The following CHMP2B variants were observed in gnomAD, a reference collection of about 807,000 sequenced individuals.
CHMP2B encodes the protein VPS2 homolog B.
In CHMP2B, 22 loss-of-function variants were observed where a neutral mutation model predicts 29.8. The observed-to-expected ratio is 0.74, with a 90% CI of 0.53 to 1.05. The LOEUF is 1.05. Ranked by LOEUF, CHMP2B falls within the 50% of genes least tolerant of loss-of-function variation. The probability of loss-of-function intolerance (pLI) is 0.00; values close to 1 mark genes in which losing one functional copy is unlikely to be tolerated. For synonymous variants in CHMP2B, 78 were observed against 75.8 expected (o/e 1.03, Z -0.15); for missense variants, 261 against 252.2 (o/e 1.03, Z -0.24).
rs575124642 is a variant in CHMP2B, at chr3:87,234,158, T to C, written c.35-6541T>C. Among the ~76,000 whole-genome samples the C allele has an allele frequency of 2.2e-4, 34 of 152,312 alleles. No homozygotes were observed. In the South Asian group the frequency reaches 7.0e-3, roughly 32 times the overall value. ...TACTTTTTGCTTTTATCCTCAAATG[T>C]ACAAATTATATCTGAACTAATGGTA... On this transcript the variant is annotated intron_variant, in intron 1 of 5. Transcript: ENST00000263780.
chr3:87,227,857 T>C (rs1271756736), intron 1 of CHMP2B, among the ~76,000 whole-genome samples: 1 of 152,158 alleles, frequency 6.6e-6, no homozygotes, highest in African/African-American at 2.4e-5. Context: ...GTCAATAAAC[T>C]TGGAAATCTG....
At chr3:87,241,296 A>G (rs1281435961) in intron 2 of CHMP2B, among the ~76,000 whole-genome samples, 3 of 152,098 alleles carry the variant, frequency 2.0e-5, no homozygotes, top group Non-Finnish European at 4.4e-5. Context: ...AAATATCTTT[A>G]TTGAGGGATA....
intron 2 of CHMP2B, among the ~76,000 whole-genome samples, chr3:87,243,565 T>C (rs1390451328): frequency 2.0e-5 from 3 of 152,166 alleles, no homozygotes; most frequent in Non-Finnish European, 4.4e-5. Flanking sequence ...GAAGGGTTTG[T>C]GTAGTTCTTC....
At chr3:87,241,049 G>A (rs1426984047) in intron 2 of CHMP2B, among the ~76,000 whole-genome samples, 11 of 152,108 alleles carry the variant, frequency 7.2e-5, no homozygotes, top group Non-Finnish European at 4.4e-5. Flanking sequence ...TAAGTATCTA[G>A]GAAGAAAGAT....
chr3:87,249,916 A>T lies in CHMP2B; in HGVS notation c.363A>T (p.Thr121=), dbSNP rs746679698. 2 of 1,608,132 alleles carry T rather than the reference A, an allele frequency of 1.2e-6. No homozygotes were observed. The highest frequency in any genetic ancestry group is 1.7e-6 in the Non-Finnish European group (2 of 1,175,920). The change falls in exon 4 of 6, where the codon ACA becomes ACT. Residue 121 remains threonine, a synonymous_variant. Coordinates refer to ENST00000263780, the MANE Select transcript of CHMP2B (RefSeq NM_014043.4). Reference sequence around the variant, plus strand: ...ACAAGAAGATGGATCCACAAAAGACATTACAAACAATGCAGAATTTCCAGA... The same window carrying T: ...ACAAGAAGATGGATCCACAAAAGACTTTACAAACAATGCAGAATTTCCAGA... ...AVNKKMDPQK[T]LQTMQNFQKE...
At chr3:87,249,848 A>G (rs764411516) in intron 3 of CHMP2B, 27 bp from the exon 4 acceptor site, 2 of 1,374,344 alleles carry the variant, frequency 1.5e-6, no homozygotes, top group Non-Finnish European at 2.1e-6. Context: ...TATGGAAGTA[A>G]CATGAATCTT....
rs527771370 is a variant in CHMP2B at position 87,254,660 on chromosome 3, G to A, written c.*838G>A. On this transcript the variant is annotated 3_prime_UTR_variant, in exon 6 of 6. Transcript: ENST00000263780. ...CCCTTTGATGTCACTACTGTGAATTGAATATAATTAGTAAAAATAGACGAT... is the reference window on the plus strand; with the variant it reads ...CCCTTTGATGTCACTACTGTGAATTAAATATAATTAGTAAAAATAGACGAT... The A allele has an allele frequency of 9.9e-5, 15 of 151,492 alleles. No homozygotes were observed. The highest frequency in any genetic ancestry group is 2.1e-4 in the South Asian group (1 of 4,750). 9.4% of individuals were successfully genotyped at this position (151,492 alleles called of 1,614,324 possible).
chr3:87,229,273 A>C (rs1239054528), intron 1 of CHMP2B, among the ~76,000 whole-genome samples: 1 of 152,156 alleles, frequency 6.6e-6, no homozygotes, highest in African/African-American at 2.4e-5. Context: ...CTGTATACTC[A>C]TTTGCAGTTA....
At position 87,227,473 on chromosome 3, in the gene CHMP2B, C is replaced by T; in HGVS notation, c.-50C>T. The T allele has an allele frequency of 2.5e-6, 4 of 1,610,846 alleles. No homozygotes were observed. The highest frequency in any genetic ancestry group is 3.4e-6 in the Non-Finnish European group (4 of 1,177,040). On this transcript the variant is annotated 5_prime_UTR_variant, in exon 1 of 6. Coordinates refer to ENST00000263780, the MANE Select transcript of CHMP2B (RefSeq NM_014043.4). The stretch of plus-strand genomic sequence containing the variant: ...TCCTTTTCCTCCTGTCCTTTGCCAG[C>T]GTTGGGCCGGACCGGGCCGAGCCGG...
intron 1 of CHMP2B, among the ~76,000 whole-genome samples, chr3:87,230,250 C>T (rs1265850335): frequency 6.6e-6 from 1 of 152,100 alleles, no homozygotes; most frequent in African/African-American, 2.4e-5. Context: ...TGTCTGTTAA[C>T]CTCAGTAAAG....
At chr3:87,232,500 T>C (rs1236349011) in intron 1 of CHMP2B, among the ~76,000 whole-genome samples, 2 of 152,170 alleles carry the variant, frequency 1.3e-5, no homozygotes, top group Non-Finnish European at 2.9e-5. Context: ...CCCTACATTC[T>C]TGACATACCA....
intron 3 of CHMP2B, among the ~76,000 whole-genome samples, chr3:87,248,357 C>A (rs780468425): frequency 3.3e-5 from 5 of 150,634 alleles, no homozygotes; most frequent in Admixed American, 6.6e-5. Flanking sequence ...TTACCTTATT[C>A]TTTTTGAGTG....
chr3:87,238,393 C>T (rs921087462), intron 1 of CHMP2B, among the ~76,000 whole-genome samples: 7 of 152,136 alleles, frequency 4.6e-5, no homozygotes, highest in Non-Finnish European at 7.4e-5. Flanking sequence ...TTACCACCAC[C>T]TGTATCTAGT....
At chr3:87,236,929 C>T (rs144653895) in intron 1 of CHMP2B, among the ~76,000 whole-genome samples, 18 of 152,074 alleles carry the variant, frequency 1.2e-4, no homozygotes, top group Non-Finnish European at 1.6e-4. Context: ...AGTCCTTAGT[C>T]CTTAGTACAC....
intron 1 of CHMP2B, among the ~76,000 whole-genome samples, chr3:87,234,602 A>G (rs2106894794): frequency 6.6e-6 from 1 of 152,356 alleles, no homozygotes. Context: ...GAGAGAGAAT[A>G]TACCATATCA....
chr3:87,228,731 A>G (rs1705857085), intron 1 of CHMP2B, among the ~76,000 whole-genome samples: 2 of 152,008 alleles, frequency 1.3e-5, no homozygotes, highest in South Asian at 4.1e-4. Context: ...CATTTTTTTG[A>G]TTTATTGACT....
intron 4 of CHMP2B, chr3:87,253,124 A>C (rs1706345512): frequency 5.8e-6 from 2 of 342,066 alleles, no homozygotes; most frequent in Non-Finnish European, 1.1e-5. Context: ...TGTAGCTGTG[A>C]CTATCACATT....
At position 87,255,531 on chromosome 3, in the gene CHMP2B, T is replaced by C. The variant is rs1706391391; in HGVS notation, c.*1709T>C. 6.6e-6 allele frequency: 1 copy of C among 152,418 alleles called. No homozygotes were observed. Among genetic ancestry groups the C allele is most frequent in the Admixed American group, 6.6e-5 (1 of 15,220 alleles). 9.4% of individuals were successfully genotyped at this position (152,418 alleles called of 1,614,324 possible). On this transcript the variant is annotated 3_prime_UTR_variant, in exon 6 of 6. Coordinates refer to ENST00000263780, the MANE Select transcript of CHMP2B (RefSeq NM_014043.4). Reference sequence around the variant, plus strand: ...TTGCTCTTTTTGGTTCCTGCTAAAATTAAAAATTTTATGCATATTTGGTAA... The same window carrying C: ...TTGCTCTTTTTGGTTCCTGCTAAAACTAAAAATTTTATGCATATTTGGTAA...
intron 2 of CHMP2B, among the ~76,000 whole-genome samples, chr3:87,243,283 G>T (rs1706154845): frequency 6.6e-6 from 1 of 152,010 alleles, no homozygotes; most frequent in South Asian, 2.1e-4. Context: ...ACTTGGTAAT[G>T]ATGTATTTTT....
Sources: gnomAD v4.1 joint callset for allele counts (sites outside exome capture counted in the v4.1 genomes callset) on GRCh38, gnomAD v4.1.1 for gene constraint, MANE v1.5 for transcripts, NCBI Gene and HGNC (gene_info 2026-07-23, HGNC 2026-07-21) for gene names.